Variants in HECW1 observed in about 807,000 individuals in gnomAD.
The protein encoded by HECW1 is HECT, C2 and WW domain containing E3 ubiquitin protein ligase 1, also known as E3 ubiquitin-protein ligase HECW1.
HECW1 carries 61 observed loss-of-function variants against 182.3 expected under a neutral mutation model. The observed-to-expected ratio is 0.33, with a 90% confidence interval of 0.27 to 0.41. The LOEUF is 0.41. HECW1 is among the 10% of genes least tolerant of loss of function. The pLI, the probability that HECW1 is intolerant of heterozygous loss-of-function variation, is 1.00. For missense variants in HECW1, 1,739 were observed against 2,108.9 expected, an observed-to-expected ratio of 0.82 and a Z score of 3.44; for synonymous variants, 859 against 832.6, an observed-to-expected ratio of 1.03 and a Z score of -0.55.
intron 5 of HECW1, among the ~76,000 whole-genome samples, chr7:43,340,516 C>T (rs998581412): frequency 2.6e-5 from 4 of 151,402 alleles, no homozygotes; most frequent in East Asian, 1.9e-4. Context: ...CCACTGCGCC[C>T]GGCCTCTAAT....
chr7:43,293,452 G>C (rs1416666844), intron 3 of HECW1, among the ~76,000 whole-genome samples: 1 of 152,138 alleles, frequency 6.6e-6, no homozygotes, highest in Non-Finnish European at 1.5e-5. Context: ...CTGCAGTGCA[G>C]ACAAGGTCAA....
intron 5 of HECW1, among the ~76,000 whole-genome samples, chr7:43,336,937 A>G (rs894777824): frequency 1.3e-5 from 2 of 152,124 alleles, no homozygotes; most frequent in Non-Finnish European, 2.9e-5. Context: ...TCTTTATCCA[A>G]TCAACTATTG....
At chr7:43,127,023 T>G (rs762699913) in intron 2 of HECW1, among the ~76,000 whole-genome samples, 12 of 152,120 alleles carry the variant, frequency 7.9e-5, no homozygotes, top group Non-Finnish European at 1.5e-4. Flanking sequence ...AGCCTTTAAG[T>G]GTTCAAGTGG....
chr7:43,266,492 G>A (rs1438135079), intron 3 of HECW1, among the ~76,000 whole-genome samples: 2 of 151,978 alleles, frequency 1.3e-5, no homozygotes, highest in East Asian at 1.9e-4. Flanking sequence ...CTGCCACCAC[G>A]CCCAGCTAAT....
intron 8 of HECW1, among the ~76,000 whole-genome samples, chr7:43,428,202 C>T (rs1026912261): frequency 1.3e-5 from 2 of 152,182 alleles, no homozygotes; most frequent in Non-Finnish European, 2.9e-5. Context: ...ATCACTATAA[C>T]GTAATCCGTA....
At chr7:43,308,011 C>T (rs1807849292) in intron 3 of HECW1, among the ~76,000 whole-genome samples, 1 of 112,142 alleles carries the variant, frequency 8.9e-6, no homozygotes. Flanking sequence ...ATATAATATA[C>T]AGTATATATA....
At chr7:43,418,534 G>A (rs772019805) in intron 8 of HECW1, among the ~76,000 whole-genome samples, 1 of 151,988 alleles carries the variant, frequency 6.6e-6, no homozygotes, top group Non-Finnish European at 1.5e-5. Flanking sequence ...CCTTGTAATT[G>A]CATGATTTCT....
chr7:43,451,947 C>T (rs543530126), intron 12 of HECW1, among the ~76,000 whole-genome samples: 1 of 152,200 alleles, frequency 6.6e-6, no homozygotes, highest in Non-Finnish European at 1.5e-5. Flanking sequence ...TTTCTTAGTT[C>T]ATCTGTTCTT....
At chr7:43,114,676 C>T (rs528952017) in intron 2 of HECW1, among the ~76,000 whole-genome samples, 1 of 152,320 alleles carries the variant, frequency 6.6e-6, no homozygotes, top group Non-Finnish European at 1.5e-5. Flanking sequence ...CTGACTAATT[C>T]CACACTATAA....
intron 2 of HECW1, among the ~76,000 whole-genome samples, chr7:43,144,484 G>A (rs919187317): frequency 3.3e-5 from 5 of 152,100 alleles, no homozygotes; most frequent in Non-Finnish European, 7.4e-5. Context: ...TTTCCCCAAG[G>A]GAGATTGGAC....
At chr7:43,178,655 C>T (rs1412732642) in intron 2 of HECW1, among the ~76,000 whole-genome samples, 1 of 152,184 alleles carries the variant, frequency 6.6e-6, no homozygotes, top group Non-Finnish European at 1.5e-5. Context: ...TGCGTTCTCT[C>T]ACATCCCTAA....
chr7:43,323,232 T>C (rs1265790720), intron 5 of HECW1, among the ~76,000 whole-genome samples: 2 of 152,208 alleles, frequency 1.3e-5, no homozygotes, highest in African/African-American at 4.8e-5. Flanking sequence ...TCTTGTATAT[T>C]TATTCCAAAT....
At chr7:43,529,508 T>G (rs1191391137) in intron 24 of HECW1, among the ~76,000 whole-genome samples, 1 of 152,108 alleles carries the variant, frequency 6.6e-6, no homozygotes, top group Non-Finnish European at 1.5e-5. Flanking sequence ...ACAGCAAAGC[T>G]CACCAGTCCT....
At chr7:43,479,832 A>T in intron 17 of HECW1, 88 bp downstream of exon 17, 1 of 1,504,076 alleles carries the variant, frequency 6.6e-7, no homozygotes, top group Non-Finnish European at 9.1e-7. Context: ...AGTGGCTAGG[A>T]TCTAGGGTTG....
intron 19 of HECW1, among the ~76,000 whole-genome samples, chr7:43,495,355 A>G (rs1258149170): frequency 3.9e-5 from 6 of 152,090 alleles, no homozygotes; most frequent in Non-Finnish European, 7.4e-5. Context: ...GAGTGAGAAC[A>G]TGTAGTGTTT....
At chr7:43,190,083 ATTT>A (rs869208277) in intron 2 of HECW1, among the ~76,000 whole-genome samples, 13 of 89,712 alleles carry the variant, frequency 1.4e-4, no homozygotes, top group South Asian at 1.2e-3. Flanking sequence ...AGCTGTGGAA[ATTT>A]TTGTTGTTGT....
At chr7:43,377,387 C>T (rs1183527998) in intron 6 of HECW1, among the ~76,000 whole-genome samples, 1 of 152,148 alleles carries the variant, frequency 6.6e-6, no homozygotes, top group Non-Finnish European at 1.5e-5. Context: ...TCAAAATGCG[C>T]TTACTCAAGA....
chr7:43,336,124 T>TCTCTC lies in HECW1; in HGVS notation c.460+15382_460+15383insCTCTC, dbSNP rs1812181848. Among the ~76,000 whole-genome samples the TCTCTC allele has an allele frequency of 2.6e-4, 17 of 64,294 alleles. 1 individual carries two copies. Among genetic ancestry groups the TCTCTC allele is most frequent in the African/African-American group, 1.2e-3 (16 of 13,784 alleles). 42.2% of individuals were successfully genotyped at this position (64,294 alleles called of 152,430 possible). On this transcript the variant is annotated intron_variant, in intron 5 of 29. Coordinates refer to ENST00000395891, the MANE Select transcript of HECW1 (RefSeq NM_015052.5). ...CTTTCTTCTTTCTTTCTTTCTTTCTTTCTCTCTCTCTCTCTCTCTTTCTCT... is the reference window on the plus strand; with the variant it reads ...CTTTCTTCTTTCTTTCTTTCTTTCTTCTCTCTCTCTCTCTCTCTCTCTCTTTCTCT...
chr7:43,382,707 T>G (rs950689354), intron 6 of HECW1, among the ~76,000 whole-genome samples: 3 of 152,126 alleles, frequency 2.0e-5, no homozygotes, highest in Admixed American at 6.5e-5. Flanking sequence ...GGGGAGGGGT[T>G]GGATAAATGA....
Sources: allele counts gnomAD v4.1 joint callset (sites outside exome capture counted in the v4.1 genomes callset), GRCh38; gene constraint gnomAD v4.1.1; transcripts MANE v1.5; gene names NCBI Gene and HGNC (gene_info 2026-07-23, HGNC 2026-07-21).